ABI3BP: variants seen among roughly 807,000 people sequenced by gnomAD.
ABI3BP encodes ABI family member 3 binding protein.
ABI3BP carries 216 observed loss-of-function variants against 268.6 expected under a neutral mutation model. The ratio of observed to expected loss-of-function variants is 0.80; its 90% CI spans 0.72 to 0.90. The LOEUF is 0.90. ABI3BP is among the 40% of genes least tolerant of loss of function. The pLI, the probability that ABI3BP is intolerant of heterozygous loss-of-function variation, is 0.00. For synonymous variants in ABI3BP, 730 were observed against 730.0 expected, an observed-to-expected ratio of 1.00 and a Z score of 0.00; for missense variants, 2,090 against 2,182.4, an observed-to-expected ratio of 0.96 and a Z score of 0.84.
intron 63 of ABI3BP, among the ~76,000 whole-genome samples, chr3:100,758,089 C>A (rs2149431124): frequency 6.6e-6 from 1 of 151,648 alleles, no homozygotes; most frequent in Admixed American, 6.6e-5. Context: ...AGGTGTAAAT[C>A]CCCTCCAAAA....
intron 31 of ABI3BP, 66 bp from the exon 32 acceptor site, chr3:100,830,700 C>A: frequency 7.5e-7 from 1 of 1,326,218 alleles, no homozygotes; most frequent in Non-Finnish European, 1.0e-6. Context: ...GAACATTCAT[C>A]TTACCACCAA....
chr3:100,778,461 A>G lies in ABI3BP; in HGVS notation c.4241-85T>C, dbSNP rs2150207192. 5.6e-6 allele frequency: 7 copies of G among 1,242,656 alleles called. 1 individual carries two copies. In the South Asian group the frequency reaches 1.0e-4, roughly 18 times the overall value. 77.0% of individuals were successfully genotyped at this position (1,242,656 alleles called of 1,614,324 possible). On this transcript the variant is annotated intron_variant, in intron 58 of 67. Coordinates refer to ENST00000471714, the MANE Select transcript of ABI3BP (RefSeq NM_001375547.2). ...AAAAAAACAGGGTTTTTAAAAATAA[A>G]AAATAATGTTTGATAATTAGCAGTT...
At chr3:100,929,582 C>T (rs2062965937) in intron 1 of ABI3BP, among the ~76,000 whole-genome samples, 1 of 152,066 alleles carries the variant, frequency 6.6e-6, no homozygotes, top group Non-Finnish European at 1.5e-5. Flanking sequence ...GCATCACAAA[C>T]TTAATTTTAA....
At chr3:100,850,443 G>T (rs1270411201) in intron 16 of ABI3BP, among the ~76,000 whole-genome samples, 1 of 152,020 alleles carries the variant, frequency 6.6e-6, no homozygotes, top group East Asian at 1.9e-4. Context: ...AAAGGATAGG[G>T]AAAATATTAT....
intron 57 of ABI3BP, among the ~76,000 whole-genome samples, chr3:100,780,971 CTTGGTT>C (rs765722393): frequency 2.1e-3 from 318 of 152,098 alleles, no homozygotes; most frequent in Non-Finnish European, 3.9e-3. Context: ...AATAATCTTC[CTTGGTT>C]TGGGTGACAG....
intron 14 of ABI3BP, among the ~76,000 whole-genome samples, chr3:100,858,741 A>G (rs1055964499): frequency 8.5e-5 from 13 of 152,230 alleles, no homozygotes; most frequent in Non-Finnish European, 1.3e-4. Flanking sequence ...AACATCAACA[A>G]TTCCAAAGGA....
At chr3:100,822,817 G>T in intron 37 of ABI3BP, 145 bp from the exon 38 acceptor site, 1 of 599,106 alleles carries the variant, frequency 1.7e-6, no homozygotes, top group Non-Finnish European at 2.9e-6. Context: ...CCTCCTTATA[G>T]ATCTTTTATC....
intron 57 of ABI3BP, among the ~76,000 whole-genome samples, chr3:100,786,051 G>T (rs1416537546): frequency 6.6e-6 from 1 of 150,962 alleles, no homozygotes; most frequent in Non-Finnish European, 1.5e-5. Context: ...TCTCCATTCA[G>T]TGCTCTCTGG....
At chr3:100,768,028 C>A (rs1275798073) in intron 62 of ABI3BP, among the ~76,000 whole-genome samples, 3 of 150,356 alleles carry the variant, frequency 2.0e-5, no homozygotes, top group African/African-American at 7.3e-5. Context: ...TTAAACCTGC[C>A]TTTTAGTAGT....
At chr3:100,916,802 C>T (rs1363145525) in intron 2 of ABI3BP, among the ~76,000 whole-genome samples, 1 of 152,202 alleles carries the variant, frequency 6.6e-6, no homozygotes, top group Non-Finnish European at 1.5e-5. Context: ...TGCAAAGCAT[C>T]TCCAGTGGCA....
intron 50 of ABI3BP, among the ~76,000 whole-genome samples, chr3:100,805,682 C>A (rs1231840816): frequency 6.6e-6 from 1 of 151,932 alleles, no homozygotes; most frequent in Non-Finnish European, 1.5e-5. Flanking sequence ...AGGACTTGAA[C>A]CAAATGCTGA....
chr3:100,816,752 C>A lies in ABI3BP; in HGVS notation c.3165G>T (p.Arg1055=). Residue 1055 remains arginine (R), a synonymous_variant, in exon 43 of 68, where the codon CGG becomes CGT. Transcript: ENST00000471714. ...PETTLAPKTQ[R]TRRPRPRPKT... is the part of the protein sequence containing the mutation. The stretch of plus-strand genomic sequence containing the variant: ...TGGGTCTGGGACGGGGACGACGTGT[C>A]CGTTGTGTTTTAGGAGCTGAAGGAA... The A allele has an allele frequency of 6.5e-7, 1 of 1,535,706 alleles. No individual in the cohort carries two copies. The highest frequency in any genetic ancestry group is 1.2e-5 in the South Asian group (1 of 84,044).
chr3:100,833,807 T>C (rs1381006415), intron 29 of ABI3BP, among the ~76,000 whole-genome samples: 5 of 152,190 alleles, frequency 3.3e-5, no homozygotes, highest in Admixed American at 6.5e-5. Flanking sequence ...GTGCTCTTTG[T>C]AGACCCATCA....
At chr3:100,864,260 A>C (rs1354856553) in intron 11 of ABI3BP, 184 bp from the exon 12 acceptor site, 2 of 597,860 alleles carry the variant, frequency 3.3e-6, no homozygotes, top group African/African-American at 3.7e-5. Flanking sequence ...TGTACATTCA[A>C]AGGGCAGTGG....
intron 2 of ABI3BP, among the ~76,000 whole-genome samples, chr3:100,919,371 GAGA>G (rs1561653519): frequency 1.3e-5 from 2 of 152,026 alleles, no homozygotes; most frequent in African/African-American, 4.8e-5. Context: ...TTTTATGATA[GAGA>G]AGAAGAGAAC....
At chr3:100,823,353 T>C in intron 37 of ABI3BP, 105 bp downstream of exon 37, 1 of 954,406 alleles carries the variant, frequency 1.0e-6, no homozygotes, top group Non-Finnish European at 1.5e-6. Flanking sequence ...TCAAGAAGAG[T>C]TGAATGGCCA....
intron 51 of ABI3BP, among the ~76,000 whole-genome samples, chr3:100,798,690 T>A (rs530986528): frequency 6.6e-6 from 1 of 152,132 alleles, no homozygotes; most frequent in Admixed American, 6.6e-5. Flanking sequence ...ATGTCTGTCA[T>A]AGATAAACGT....
rs2099153396 is a variant in ABI3BP at position 100,875,550 on chromosome 3, C to G, written c.775G>C (p.Ala259Pro). Residue 259 changes from alanine (A) to proline (P), a missense_variant, in exon 8 of 68, where the codon GCT (alanine) becomes CCT (proline). Coordinates refer to ENST00000471714, the MANE Select transcript of ABI3BP (RefSeq NM_001375547.2). ...VIQNVTHKDSAKSPEKAPLGG... is the reference protein window; with the variant it reads ...VIQNVTHKDSPKSPEKAPLGG... Reference sequence around the variant, plus strand: ...AGTGGAGCTTTTTCTGGGGATTTAGCTGAATCCTTGTGAGTAACATTCTGA... The same window carrying G: ...AGTGGAGCTTTTTCTGGGGATTTAGGTGAATCCTTGTGAGTAACATTCTGA... 6.2e-7 allele frequency: 1 copy of G among 1,613,466 alleles called. No individual in the cohort carries two copies.
rs1208955204 is a variant in ABI3BP, at chr3:100,833,111, TAGAG to T, written c.2314+10_2314+13del. 16 of 1,533,542 alleles carry T rather than the reference TAGAG, an allele frequency of 1.0e-5. No individual in the cohort carries two copies. The highest frequency in any genetic ancestry group is 1.3e-5 in the Non-Finnish European group (15 of 1,145,174). 95.0% of individuals were successfully genotyped at this position (1,533,542 alleles called of 1,614,324 possible). A position where few individuals can be genotyped will look rare whatever the true frequency, so the allele number is the denominator to read the frequency against. ...AAGAAAAAGGACTTGCTGAAGGACA[TAGAG>T]AGTCATTACCTGAAGATGTCCCAGG... On this transcript the variant is annotated intron_variant, in intron 30 of 67. Transcript: ENST00000471714.
Sources: allele counts gnomAD v4.1 joint callset (sites outside exome capture counted in the v4.1 genomes callset), GRCh38; gene constraint gnomAD v4.1.1; transcripts MANE v1.5; gene names NCBI Gene and HGNC (gene_info 2026-07-23, HGNC 2026-07-21).